The following RORA variants were observed in gnomAD, a reference collection of about 807,000 sequenced individuals.
RORA encodes the protein RAR related orphan receptor A.
RORA carries 7 observed loss-of-function variants against 69.5 expected under a neutral mutation model. The ratio of observed to expected loss-of-function variants is 0.10; its 90% CI spans 0.06 to 0.19. RORA has a LOEUF of 0.19. Ranked by LOEUF, RORA falls within the 10% of genes least tolerant of loss-of-function variation. RORA has a pLI of 1.00. For synonymous variants in RORA, 261 were observed against 240.8 expected (o/e 1.08, Z -0.78); for missense variants, 457 against 663.0 (o/e 0.69, Z 3.41).
Position 60,846,715 on chromosome 15 carries a change from C to T in RORA, c.167-168029G>A, listed in dbSNP as rs566130214. On this transcript the variant is annotated intron_variant, in intron 1 of 10. Coordinates refer to ENST00000335670, the MANE Select transcript of RORA (RefSeq NM_134261.3). Reference sequence around the variant, plus strand: ...CAAGATGCCAGCCCACCAAATCCATCATCGGAAAGAAACTCGGGGCCAGCC... The same window carrying T: ...CAAGATGCCAGCCCACCAAATCCATTATCGGAAAGAAACTCGGGGCCAGCC... Among the ~76,000 whole-genome samples, 42 of 152,342 alleles carry T rather than the reference C, an allele frequency of 2.8e-4. 1 individual carries two copies. The South Asian group carries it at 8.7e-3, about 32-fold the overall frequency.
At chr15:60,554,039 G>C (rs1038389595) in intron 2 of RORA, among the ~76,000 whole-genome samples, 3 of 151,996 alleles carry the variant, frequency 2.0e-5, no homozygotes, top group Non-Finnish European at 2.9e-5. Flanking sequence ...TTATTTTGTG[G>C]GGCCCCAGAC....
intron 1 of RORA, among the ~76,000 whole-genome samples, chr15:60,809,622 C>G (rs893081546): frequency 1.3e-5 from 2 of 152,132 alleles, no homozygotes; most frequent in Non-Finnish European, 1.5e-5. Flanking sequence ...CTCCCACCCC[C>G]ACCACACACA....
At chr15:60,701,840 G>C (rs1423529735) in intron 1 of RORA, among the ~76,000 whole-genome samples, 1 of 152,166 alleles carries the variant, frequency 6.6e-6, no homozygotes, top group African/African-American at 2.4e-5. Flanking sequence ...GGGCTGTGAG[G>C]TTATCAGAGC....
At chr15:60,817,020 AAATAAT>A (rs1210903673) in intron 1 of RORA, among the ~76,000 whole-genome samples, 12 of 152,350 alleles carry the variant, frequency 7.9e-5, no homozygotes, top group African/African-American at 2.4e-4. Context: ...TTTCATTGAC[AAATAAT>A]AATAGTATAT....
At chr15:60,704,081 A>G (rs1025972232) in intron 1 of RORA, among the ~76,000 whole-genome samples, 3 of 152,236 alleles carry the variant, frequency 2.0e-5, no homozygotes, top group African/African-American at 7.2e-5. Flanking sequence ...AAAAACATCA[A>G]TTCTAATACA....
chr15:60,554,187 T>C (rs2067297766), intron 2 of RORA, among the ~76,000 whole-genome samples: 1 of 152,208 alleles, frequency 6.6e-6, no homozygotes, highest in South Asian at 2.1e-4. Context: ...TAATTGATTT[T>C]TTAAAATGTA....
chr15:60,930,659 G>T (rs984861344), intron 1 of RORA, among the ~76,000 whole-genome samples: 1 of 152,234 alleles, frequency 6.6e-6, no homozygotes, highest in Non-Finnish European at 1.5e-5. Context: ...ACTGAAGGAA[G>T]TTAGACTTCT....
chr15:60,815,002 T>C (rs974790898), intron 1 of RORA, among the ~76,000 whole-genome samples: 1 of 152,268 alleles, frequency 6.6e-6, no homozygotes, highest in East Asian at 1.9e-4. Context: ...GTAGGACACA[T>C]GAGGCGAAAG....
chr15:60,691,381 T>C (rs2070822454), intron 1 of RORA, among the ~76,000 whole-genome samples: 1 of 152,226 alleles, frequency 6.6e-6, no homozygotes, highest in Non-Finnish European at 1.5e-5. Flanking sequence ...ATCCTTGGTA[T>C]ACCACTGTAT....
chr15:60,965,399 A>C (rs992631368), intron 1 of RORA, among the ~76,000 whole-genome samples: 1 of 152,218 alleles, frequency 6.6e-6, no homozygotes, highest in South Asian at 2.1e-4. Flanking sequence ...CCCAAGGCCC[A>C]GTAGTCAGGG....
chr15:60,585,472 AC>A (rs1880197986), intron 2 of RORA, among the ~76,000 whole-genome samples: 1 of 152,032 alleles, frequency 6.6e-6, no homozygotes, highest in African/African-American at 2.4e-5. Context: ...TTGTTTTATT[AC>A]CCCCCAAAAG....
At chr15:60,592,791 C>A in intron 2 of RORA, 1 of 708,118 alleles carries the variant, frequency 1.4e-6, no homozygotes, top group Non-Finnish European at 2.1e-6. Context: ...CCGCCTTCCC[C>A]TCGCCTTCGG....
chr15:60,592,483 G>C (rs1353580878), intron 2 of RORA: 3 of 1,341,636 alleles, frequency 2.2e-6, no homozygotes, highest in African/African-American at 1.5e-5. Context: ...CTCTGCCGCC[G>C]CCGCGCCGCC....
intron 1 of RORA, among the ~76,000 whole-genome samples, chr15:61,111,648 C>A (rs2079007281): frequency 6.6e-6 from 1 of 152,098 alleles, no homozygotes; most frequent in African/African-American, 2.4e-5. Flanking sequence ...GAAGATATTA[C>A]CAAGTATGCC....
Position 61,008,199 on chromosome 15 carries a change from CTCTCTG to C in RORA, c.166+220848_166+220853del, listed in dbSNP as rs1330643768. Among the ~76,000 whole-genome samples the C allele has an allele frequency of 1.1e-3, 87 of 82,398 alleles. No individual in the cohort carries two copies. The South Asian group carries it at 0.026, about 25-fold the overall frequency. The allele number at this position is 82,398 out of a possible 152,430, so 54.1% of individuals were successfully genotyped here. ...TATAAAGAATTTCAAAATTCTCTCT[CTCTCTG>C]TGTGTGTGTGTGTGTGTGTGTGTGT... is the stretch of plus-strand genomic sequence containing the variant. On this transcript the variant is annotated intron_variant, in intron 1 of 10. Coordinates refer to ENST00000335670, the MANE Select transcript of RORA (RefSeq NM_134261.3).
intron 1 of RORA, among the ~76,000 whole-genome samples, chr15:61,217,023 C>A (rs1188975693): frequency 1.3e-5 from 2 of 152,126 alleles, no homozygotes; most frequent in Non-Finnish European, 2.9e-5. Flanking sequence ...GCAGAAGTCA[C>A]ACAAACAAGT....
At chr15:61,081,614 T>C (rs745881700) in intron 1 of RORA, among the ~76,000 whole-genome samples, 97 of 152,002 alleles carry the variant, frequency 6.4e-4, no homozygotes, top group Non-Finnish European at 1.2e-3. Flanking sequence ...GAGACCATCC[T>C]GGCTAACATG....
intron 1 of RORA, among the ~76,000 whole-genome samples, chr15:61,066,853 C>A: frequency 8.4e-6 from 1 of 118,798 alleles, no homozygotes; most frequent in African/African-American, 3.3e-5. Context: ...GATCCACATG[C>A]TATGAAAGGA....
intron 2 of RORA, among the ~76,000 whole-genome samples, chr15:60,617,753 G>A (rs1355846965): frequency 6.6e-6 from 1 of 151,152 alleles, no homozygotes; most frequent in Non-Finnish European, 1.5e-5. Context: ...TCTTCATTAA[G>A]AACTTCAAAC....
Sources: allele counts gnomAD v4.1 joint callset (sites outside exome capture counted in the v4.1 genomes callset), GRCh38; gene constraint gnomAD v4.1.1; transcripts MANE v1.5; gene names NCBI Gene and HGNC (gene_info 2026-07-23, HGNC 2026-07-21).